Variants in RELN observed in about 807,000 individuals in gnomAD.
The protein encoded by RELN is reelin.
Under a neutral mutation model 427.6 loss-of-function variants are expected in RELN, and 108 were observed. The observed-to-expected ratio is 0.25, with a 90% confidence interval of 0.22 to 0.30. The LOEUF is 0.30. Among genes scored for constraint, RELN ranks in the 10% least tolerant of loss-of-function variants. The pLI is 1.00. For synonymous variants in RELN, 1,524 were observed against 1,513.4 expected (o/e 1.01, Z -0.16); for missense variants, 3,715 against 4,302.8 (o/e 0.86, Z 3.82).
At chr7:103,915,859 T>C (rs891143531) in intron 2 of RELN, among the ~76,000 whole-genome samples, 1 of 152,198 alleles carries the variant, frequency 6.6e-6, no homozygotes, top group African/African-American at 2.4e-5. Context: ...AATATACTTA[T>C]GTACTTATAT....
intron 43 of RELN, 37 bp downstream of exon 43, chr7:103,542,694 G>A (rs376866574): frequency 5.6e-6 from 9 of 1,609,798 alleles, no homozygotes; most frequent in Admixed American, 1.7e-5. Flanking sequence ...TATACATTAC[G>A]ATGTGGTTTT....
At chr7:103,660,645 G>A (rs1313991231) in intron 12 of RELN, among the ~76,000 whole-genome samples, 2 of 152,158 alleles carry the variant, frequency 1.3e-5, no homozygotes, top group African/African-American at 4.8e-5. Context: ...GGTAGACAGT[G>A]TTTATTTCCT....
intron 1 of RELN, among the ~76,000 whole-genome samples, chr7:103,947,005 TA>T (rs1453141282): frequency 6.6e-6 from 1 of 152,190 alleles, no homozygotes; most frequent in Non-Finnish European, 1.5e-5. Context: ...GTAAATCTTC[TA>T]AACACTAGCT....
At chr7:103,911,859 T>TG (rs1275633277) in intron 2 of RELN, among the ~76,000 whole-genome samples, 1 of 74,390 alleles carries the variant, frequency 1.3e-5, no homozygotes, top group Admixed American at 1.8e-4. Flanking sequence ...TGTGGTGGGG[T>TG]GGGGGGAGGG....
intron 60 of RELN, among the ~76,000 whole-genome samples, chr7:103,486,940 T>C (rs1828462571): frequency 6.6e-6 from 1 of 152,192 alleles, no homozygotes; most frequent in African/African-American, 2.4e-5. Flanking sequence ...CATTCTACGC[T>C]AAAGACACAT....
At chr7:103,763,178 A>G (rs1178020684) in intron 4 of RELN, among the ~76,000 whole-genome samples, 2 of 152,238 alleles carry the variant, frequency 1.3e-5, no homozygotes, top group Non-Finnish European at 2.9e-5. Context: ...TACTCCTAGT[A>G]AAGTTCATCA....
chr7:103,978,727 C>T (rs1584416973), intron 1 of RELN, among the ~76,000 whole-genome samples: 1 of 152,222 alleles, frequency 6.6e-6, no homozygotes, highest in Non-Finnish European at 1.5e-5. Flanking sequence ...CAATTCTGAA[C>T]TCTTCATTTA....
chr7:103,673,637 C>A (rs1355259403), intron 11 of RELN, among the ~76,000 whole-genome samples: 1 of 152,124 alleles, frequency 6.6e-6, no homozygotes, highest in African/African-American at 2.4e-5. Flanking sequence ...GGTAAACTTT[C>A]TGAATCCTGT....
chr7:103,654,998 G>C (rs1832995759), intron 12 of RELN, among the ~76,000 whole-genome samples: 1 of 151,976 alleles, frequency 6.6e-6, no homozygotes, highest in African/African-American at 2.4e-5. Flanking sequence ...ATTTTGTAGA[G>C]ACGGGGTCTC....
At chr7:103,515,991 T>G (rs1458092501) in intron 49 of RELN, among the ~76,000 whole-genome samples, 1 of 152,162 alleles carries the variant, frequency 6.6e-6, no homozygotes, top group Non-Finnish European at 1.5e-5. Flanking sequence ...TATGCTTTGT[T>G]GAAAATATTT....
At position 103,909,890 on chromosome 7, in the gene RELN, T is replaced by A. The variant is rs187412096; in HGVS notation, c.337+7185A>T. 4.3e-4 allele frequency among the ~76,000 whole-genome samples: 57 copies of A among 133,414 alleles called. 1 individual carries two copies. The highest frequency in any genetic ancestry group is 1.8e-3 in the African/African-American group (56 of 30,590). The allele number at this position is 133,414 out of a possible 152,430, so 87.5% of individuals were successfully genotyped here. A position where few individuals can be genotyped will look rare whatever the true frequency, so the allele number is the denominator to read the frequency against. The stretch of plus-strand genomic sequence containing the variant: ...TAATTATACTCCTATCTACCTAAAC[T>A]GTCAAATCACATTGAAAATAATCTG... On this transcript the variant is annotated intron_variant, in intron 2 of 64. Coordinates refer to ENST00000428762, the MANE Select transcript of RELN (RefSeq NM_005045.4).
At chr7:103,882,969 CAG>C (rs1364255534) in intron 2 of RELN, among the ~76,000 whole-genome samples, 1 of 152,146 alleles carries the variant, frequency 6.6e-6, no homozygotes, top group Non-Finnish European at 1.5e-5. Flanking sequence ...CAAAACCTGG[CAG>C]AGACACAACA....
chr7:103,662,625 CA>C (rs747230376), intron 11 of RELN, among the ~76,000 whole-genome samples: 8,107 of 77,160 alleles, frequency 0.11, 156 homozygotes, highest in East Asian at 0.22. Context: ...GACTCCGTCA[CA>C]AAAAAAAAAA....
chr7:103,531,808 G>A (rs919149296), intron 46 of RELN, among the ~76,000 whole-genome samples: 8 of 152,276 alleles, frequency 5.3e-5, no homozygotes, highest in Admixed American at 2.6e-4. Context: ...AGATGCTGGC[G>A]AAGTTGTGGA....
chr7:103,541,921 A>G (rs1225469305), intron 43 of RELN, among the ~76,000 whole-genome samples: 1 of 152,208 alleles, frequency 6.6e-6, no homozygotes, highest in African/African-American at 2.4e-5. Flanking sequence ...TCAATAAATG[A>G]AGTATTTGGG....
intron 51 of RELN, 143 bp downstream of exon 51, chr7:103,510,708 G>C: frequency 1.5e-6 from 1 of 688,000 alleles, no homozygotes; most frequent in Non-Finnish European, 2.6e-6. Flanking sequence ...ATGTATAGTT[G>C]AGTTGTATAT....
intron 29 of RELN, among the ~76,000 whole-genome samples, chr7:103,575,142 T>G (rs1830970150): frequency 6.6e-6 from 1 of 152,200 alleles, no homozygotes; most frequent in South Asian, 2.1e-4. Context: ...AGCTGAATGA[T>G]CTTGGGATAG....
At position 103,760,742 on chromosome 7, in the gene RELN, C is replaced by G. The variant is rs78589145; in HGVS notation, c.545-7528G>C. 3.8e-3 allele frequency among the ~76,000 whole-genome samples: 583 copies of G among 152,176 alleles called. 10 individuals carry two copies. In the East Asian group the frequency reaches 0.077, roughly 20 times the overall value. ...ATATCTCCTGAATCATTTTGGAATT[C>G]AAAGGCCCTAGGTAGTTTTGCCTCA... On this transcript the variant is annotated intron_variant, in intron 4 of 64. Coordinates refer to ENST00000428762, the MANE Select transcript of RELN (RefSeq NM_005045.4).
intron 46 of RELN, among the ~76,000 whole-genome samples, chr7:103,531,986 C>T (rs779748906): frequency 4.6e-5 from 7 of 152,228 alleles, no homozygotes; most frequent in South Asian, 2.1e-4. Context: ...ATTATTGATA[C>T]ACACATATGT....
Sources: allele counts gnomAD v4.1 joint callset (sites outside exome capture counted in the v4.1 genomes callset), GRCh38; gene constraint gnomAD v4.1.1; transcripts MANE v1.5; gene names NCBI Gene and HGNC (gene_info 2026-07-23, HGNC 2026-07-21).